The following ZNF185 variants were observed in gnomAD, a reference collection of about 807,000 sequenced individuals.
The protein encoded by ZNF185 is zinc finger protein 185.
ZNF185 carries 56 observed loss-of-function variants against 58.6 expected under a neutral mutation model. That is an observed-to-expected ratio of 0.95 (90% CI 0.77 to 1.19). The LOEUF is 1.19. ZNF185 is among the 50% of genes most tolerant of loss of function. ZNF185 has a pLI of 0.00. For synonymous variants in ZNF185, 230 were observed against 215.9 expected (o/e 1.07, Z -0.57); for missense variants, 627 against 573.5 (o/e 1.09, Z -0.95).
In ZNF185 at chrX:152,924,993, T is replaced by A. The variant is rs1221144842; in HGVS notation, c.830+2184T>A. ...CACCGCGCTTGGCCTCAGGTGCCTT[T>A]TAGAAGATAATATAGGAGGCTGGGC... is the stretch of plus-strand genomic sequence containing the variant. On this transcript the variant is annotated intron_variant, in intron 11 of 22. Coordinates refer to ENST00000449285, the Ensembl canonical transcript of ZNF185. 2.7e-5 allele frequency among the ~76,000 whole-genome samples: 3 copies of A among 111,874 alleles called. No individual in the cohort carries two copies. The Admixed American group carries it at 2.8e-4, about 10-fold the overall frequency.
At chrX:152,937,989 GT>G (rs1445170530) in intron 14 of ZNF185, 84 bp from the exon 17 acceptor site, 1 of 935,770 alleles carries the variant, frequency 1.1e-6, no homozygotes. Flanking sequence ...TCCCTTTCTG[GT>G]GAGAAGGCAG....
the ZNF185 span, among the ~76,000 whole-genome samples, chrX:152,904,372 G>T: frequency 1.8e-5 from 2 of 112,713 alleles, no homozygotes; most frequent in Non-Finnish European, 3.8e-5. Flanking sequence ...AGCCGCTGCA[G>T]CGGTGCCTGT....
the ZNF185 span, among the ~76,000 whole-genome samples, chrX:152,906,976 G>A: frequency 6.8e-3 from 752 of 110,831 alleles, 7 homozygotes; most frequent in African/African-American, 0.023. Context: ...CCTGCCTGGC[G>A]TCCTACTTCC....
intron 16 of ZNF185, among the ~76,000 whole-genome samples, chrX:152,946,697 A>G (rs2047820525): frequency 8.9e-6 from 1 of 111,998 alleles, no homozygotes; most frequent in African/African-American, 3.2e-5. Context: ...TGGAAGGCTG[A>G]GGGAGATTTT....
At chrX:152,898,811 A>G in the ZNF185 span, among the ~76,000 whole-genome samples, 1 of 112,551 alleles carries the variant, frequency 8.9e-6, no homozygotes, top group South Asian at 3.6e-4. Flanking sequence ...CAGGATCGGC[A>G]CTGCACCAGC....
At chrX:152,917,846 G>A in intron 5 of ZNF185, 2 of 1,074,020 alleles carry the variant, frequency 1.9e-6, no homozygotes, top group Admixed American at 3.9e-5. Context: ...CAAAGACACA[G>A]GCAAGAGCCC....
the ZNF185 span, among the ~76,000 whole-genome samples, chrX:152,903,083 G>A: frequency 1.8e-5 from 2 of 110,956 alleles, no homozygotes; most frequent in Non-Finnish European, 3.8e-5. Context: ...TCCTAGGGGA[G>A]AGCGAAAGAG....
At chrX:152,915,565 G>T (rs1364241290) in intron 3 of ZNF185, among the ~76,000 whole-genome samples, 1 of 112,675 alleles carries the variant, frequency 8.9e-6, no homozygotes, top group Non-Finnish European at 1.9e-5. Flanking sequence ...CTGCCTCTGA[G>T]ATGCTTTGGG....
At chrX:152,919,660 T>C (rs1569494213) in intron 7 of ZNF185, among the ~76,000 whole-genome samples, 1 of 112,513 alleles carries the variant, frequency 8.9e-6, no homozygotes, top group Admixed American at 9.3e-5. Flanking sequence ...CACCCAGTGC[T>C]GGTGAACTAT....
intron 17 of ZNF185, 190 bp downstream of exon 19, chrX:152,960,086 C>T (rs17174271): frequency 0.013 from 5,263 of 408,340 alleles, 210 homozygotes; most frequent in African/African-American, 0.12. Flanking sequence ...CAGCTTGGAG[C>T]CATAGCATCA....
exon 14 of ZNF185, chrX:152,932,970 A>G: frequency 8.4e-7 from 1 of 1,187,350 alleles, no homozygotes; most frequent in South Asian, 1.9e-5. Context: ...CGAGAGAGGA[A>G]GGTGAGCTGC....
At chrX:152,952,455 T>C (rs782755620) in intron 16 of ZNF185, among the ~76,000 whole-genome samples, 4 of 112,308 alleles carry the variant, frequency 3.6e-5, no homozygotes, top group Non-Finnish European at 5.6e-5. Context: ...GGTAATGCCA[T>C]CTGGAGGTAC....
At chrX:152,935,238 CTTTT>C (rs61588750) in intron 14 of ZNF185, among the ~76,000 whole-genome samples, 1 of 97,232 alleles carries the variant, frequency 1.0e-5, no homozygotes, top group Non-Finnish European at 2.1e-5. Context: ...ATTGTTTTTC[CTTTT>C]TTTTTTTTTT....
intron 20 of ZNF185, among the ~76,000 whole-genome samples, chrX:152,968,762 A>G (rs782693502): frequency 8.8e-5 from 10 of 113,052 alleles, no homozygotes; most frequent in Non-Finnish European, 1.9e-4. Context: ...GATCAGATCA[A>G]GCAGTTACTT....
upstream of ZNF185, among the ~76,000 whole-genome samples, chrX:152,912,371 C>T (rs1252191903): frequency 1.8e-5 from 2 of 111,667 alleles, no homozygotes; most frequent in Non-Finnish European, 3.8e-5. Flanking sequence ...GGTCCCTCTG[C>T]CTCTGTCATT....
exon 15 of ZNF185, chrX:152,938,155 C>A (rs1556884421): frequency 8.5e-7 from 1 of 1,182,027 alleles, no homozygotes; most frequent in Non-Finnish European, 1.1e-6. Flanking sequence ...CAAAGGCAGA[C>A]CCAAAGGGGT....
At chrX:152,936,604 C>A in intron 14 of ZNF185, 91 bp downstream of exon 16, 1 of 785,285 alleles carries the variant, frequency 1.3e-6, no homozygotes, top group Non-Finnish European at 1.8e-6. Context: ...CAGGATCCCC[C>A]TCGAACTTCT....
At chrX:152,909,236 G>T in the ZNF185 span, among the ~76,000 whole-genome samples, 1 of 112,587 alleles carries the variant, frequency 8.9e-6, no homozygotes, top group Admixed American at 9.3e-5. Context: ...CTCTGTGGTG[G>T]GTGCTCTCTC....
intron 20 of ZNF185, among the ~76,000 whole-genome samples, chrX:152,968,134 G>A (rs1414495791): frequency 8.9e-6 from 1 of 112,198 alleles, no homozygotes; most frequent in African/African-American, 3.2e-5. Context: ...AAGCATATGG[G>A]GCCAGGGAAT....
Sources: gnomAD v4.1 joint callset for allele counts (sites outside exome capture counted in the v4.1 genomes callset) on GRCh38, gnomAD v4.1.1 for gene constraint, MANE v1.5 for transcripts, NCBI Gene and HGNC (gene_info 2026-07-23, HGNC 2026-07-21) for gene names.